SKAP2: variants seen among roughly 807,000 people sequenced by gnomAD.
SKAP2 encodes src kinase-associated phosphoprotein 2.
A neutral mutation model predicts 54.9 loss-of-function variants in SKAP2; 28 were observed. The observed-to-expected ratio is 0.51, with a 90% confidence interval of 0.38 to 0.70. SKAP2 has a LOEUF of 0.70. SKAP2 is among the 30% of genes least tolerant of loss of function. SKAP2 has a pLI of 0.00. For missense variants in SKAP2, 356 were observed against 424.1 expected (o/e 0.84, Z 1.41); for synonymous variants, 137 against 134.3 (o/e 1.02, Z -0.14).
intron 4 of SKAP2, among the ~76,000 whole-genome samples, chr7:26,823,144 G>C (rs1310837285): frequency 1.3e-5 from 2 of 151,498 alleles, no homozygotes; most frequent in Non-Finnish European, 2.9e-5. Context: ...AAAATAGCCT[G>C]GCCAGGTGTG....
At chr7:26,775,046 T>C (rs913624959) in intron 4 of SKAP2, among the ~76,000 whole-genome samples, 1 of 152,314 alleles carries the variant, frequency 6.6e-6, no homozygotes, top group Non-Finnish European at 1.5e-5. Context: ...AATCTGCAAT[T>C]ATTAGGGTCC....
At chr7:26,857,508 C>A in intron 1 of SKAP2, 13 of 985,330 alleles carry the variant, frequency 1.3e-5, no homozygotes, top group Non-Finnish European at 1.6e-5. Flanking sequence ...GACTCCTAGA[C>A]GTGCCGGTGG....
intron 4 of SKAP2, among the ~76,000 whole-genome samples, chr7:26,826,118 TAC>T (rs10601131): frequency 0.5 from 75,320 of 149,946 alleles, 19,444 homozygotes; most frequent in East Asian, 0.85. Context: ...ATTCGTGCAA[TAC>T]ACACACACAC....
chr7:26,821,755 A>G (rs1784388232), intron 4 of SKAP2, among the ~76,000 whole-genome samples: 1 of 152,120 alleles, frequency 6.6e-6, no homozygotes, highest in Non-Finnish European at 1.5e-5. Context: ...CGTTAAGCAT[A>G]ATCATGAAGT....
chr7:26,864,570 G>A lies in SKAP2; in HGVS notation c.-141C>T, dbSNP rs1299052694. ...CTACGAGTCGGGACACTGCCGGGCC[G>A]GGGCTCACAACAAGGAAGTCACTGA... On this transcript the variant is annotated 5_prime_UTR_variant, in exon 1 of 13. Transcript: ENST00000345317. The A allele has an allele frequency of 9.8e-6, 14 of 1,421,828 alleles. No homozygotes were observed. Among genetic ancestry groups the A allele is most frequent in the South Asian group, 3.0e-5 (2 of 67,568 alleles). 88.1% of individuals were successfully genotyped at this position (1,421,828 alleles called of 1,614,324 possible).
intron 4 of SKAP2, among the ~76,000 whole-genome samples, chr7:26,754,417 C>A (rs1190644185): frequency 3.4e-5 from 5 of 148,678 alleles, no homozygotes; most frequent in African/African-American, 1.2e-4. Flanking sequence ...AAAAAAAAAC[C>A]CAACTGACAA....
At chr7:26,792,664 A>C (rs1783695169) in intron 4 of SKAP2, among the ~76,000 whole-genome samples, 5 of 152,208 alleles carry the variant, frequency 3.3e-5, no homozygotes, top group Admixed American at 3.3e-4. Flanking sequence ...TATCTGATAT[A>C]AATTATCTAA....
chr7:26,800,588 A>C (rs1163297694), intron 4 of SKAP2, among the ~76,000 whole-genome samples: 1 of 152,212 alleles, frequency 6.6e-6, no homozygotes, highest in East Asian at 1.9e-4. Flanking sequence ...AATGTTAAAC[A>C]AAATTGACAA....
At chr7:26,749,606 G>A (rs1435876580) in intron 4 of SKAP2, among the ~76,000 whole-genome samples, 1 of 151,812 alleles carries the variant, frequency 6.6e-6, no homozygotes, top group African/African-American at 2.4e-5. Context: ...TAATTACCCA[G>A]GCATGGTAAC....
At chr7:26,845,483 G>A (rs1291784760) in intron 3 of SKAP2, among the ~76,000 whole-genome samples, 2 of 152,122 alleles carry the variant, frequency 1.3e-5, no homozygotes, top group Non-Finnish European at 2.9e-5. Flanking sequence ...CTACTACTAG[G>A]TACAGTAAAT....
At chr7:26,662,669 A>C (rs1435143655), downstream of SKAP2, among the ~76,000 whole-genome samples, 2 of 152,194 alleles carry the variant, frequency 1.3e-5, no homozygotes, top group Admixed American at 6.5e-5. Flanking sequence ...ACGATAATAA[A>C]GAATAAAGCA....
chr7:26,843,936 C>G, intron 4 of SKAP2, 94 bp downstream of exon 4: 2 of 776,482 alleles, frequency 2.6e-6, no homozygotes, highest in Non-Finnish European at 4.3e-6. Flanking sequence ...TAACCGAAGC[C>G]TCTATGTTCA....
At chr7:26,840,875 C>CT (rs1287258450) in intron 4 of SKAP2, among the ~76,000 whole-genome samples, 1 of 151,982 alleles carries the variant, frequency 6.6e-6, no homozygotes, top group Non-Finnish European at 1.5e-5. Flanking sequence ...GTCATTCTCT[C>CT]TTTTTTTGCT....
At chr7:26,676,636 T>G (rs1474544557) in intron 11 of SKAP2, among the ~76,000 whole-genome samples, 1 of 152,224 alleles carries the variant, frequency 6.6e-6, no homozygotes, top group Non-Finnish European at 1.5e-5. Context: ...AACTGTATTT[T>G]GGTAAAAGCA....
chr7:26,662,355 A>G (rs1407070492), downstream of SKAP2, among the ~76,000 whole-genome samples: 1 of 152,142 alleles, frequency 6.6e-6, no homozygotes, highest in African/African-American at 2.4e-5. Context: ...ATAAGGAAAG[A>G]TTCCCAGTTT....
intron 10 of SKAP2, among the ~76,000 whole-genome samples, chr7:26,686,518 A>G (rs1239746315): frequency 3.3e-5 from 5 of 152,178 alleles, no homozygotes; most frequent in Non-Finnish European, 5.9e-5. Context: ...TCCCCAAAGC[A>G]TATATTAAGT....
At chr7:26,860,544 T>C (rs1562639254) in intron 1 of SKAP2, among the ~76,000 whole-genome samples, 2 of 152,004 alleles carry the variant, frequency 1.3e-5, no homozygotes, top group South Asian at 2.1e-4. Flanking sequence ...TAGGTGACTA[T>C]TGGTGACTCA....
At chr7:26,767,993 C>A (rs1032353455) in intron 4 of SKAP2, among the ~76,000 whole-genome samples, 1 of 152,172 alleles carries the variant, frequency 6.6e-6, no homozygotes, top group Non-Finnish European at 1.5e-5. Context: ...TGGTTCAGAG[C>A]TGAGTTCAAG....
At chr7:26,791,140 C>T (rs929286049) in intron 4 of SKAP2, among the ~76,000 whole-genome samples, 2 of 152,120 alleles carry the variant, frequency 1.3e-5, no homozygotes, top group African/African-American at 4.8e-5. Context: ...TGTGTTGCTT[C>T]AGCCAGCATT....
Sources: allele counts gnomAD v4.1 joint callset (sites outside exome capture counted in the v4.1 genomes callset), GRCh38; gene constraint gnomAD v4.1.1; transcripts MANE v1.5; gene names NCBI Gene and HGNC (gene_info 2026-07-23, HGNC 2026-07-21).